The following LIMA1 variants were observed in gnomAD, a reference collection of about 807,000 sequenced individuals.
The protein encoded by LIMA1 is LIM domain and actin-binding protein 1.
LIMA1 carries 52 observed loss-of-function variants against 62.6 expected under a neutral mutation model. The ratio of observed to expected loss-of-function variants is 0.83; its 90% CI spans 0.67 to 1.05. The LOEUF (loss-of-function observed/expected upper bound fraction) is 1.05, where lower values mean the gene tolerates loss of function less well. LIMA1 is among the 50% of genes least tolerant of loss of function. The pLI, the probability that LIMA1 is intolerant of heterozygous loss-of-function variation, is 0.00. For missense variants in LIMA1, 780 were observed against 902.2 expected (o/e 0.86, Z 1.74); for synonymous variants, 302 against 317.8 (o/e 0.95, Z 0.53).
intron 7 of LIMA1, 135 bp from the exon 8 acceptor site, chr12:50,196,022 G>T: frequency 1.2e-6 from 1 of 811,108 alleles, no homozygotes; most frequent in Non-Finnish European, 1.8e-6. Flanking sequence ...GAAATAACGG[G>T]CACCAGAACA....
In LIMA1 at chr12:50,283,486, GC is replaced by G. The variant is rs1266099285; in HGVS notation, c.-91del. The G allele has an allele frequency of 6.6e-6, 1 of 152,284 alleles. No homozygotes were observed. The highest frequency in any genetic ancestry group is 2.4e-5 in the African/African-American group (1 of 41,462). The allele number at this position is 152,284 out of a possible 1,614,324, so 9.4% of individuals were successfully genotyped here. On this transcript the variant is annotated 5_prime_UTR_variant, in exon 1 of 11. Transcript: ENST00000341247. The stretch of plus-strand genomic sequence containing the variant: ...GTCACAGGTCCCGGCGCTCTACCTA[GC>G]GCACCTGTCGCGACCAAGCTGCTAA...
chr12:50,185,611 G>C (rs1940612909), intron 9 of LIMA1: 1 of 397,374 alleles, frequency 2.5e-6, no homozygotes, highest in African/African-American at 2.1e-5. Flanking sequence ...GGCAAAATCA[G>C]CCTCACTCGT....
At chr12:50,224,575 A>G (rs937988406) in intron 3 of LIMA1, 3 of 152,184 alleles carry the variant, frequency 2.0e-5, no homozygotes, top group Non-Finnish European at 4.4e-5. Flanking sequence ...GTAACCACAC[A>G]GGAGCCCTGA....
intron 4 of LIMA1, among the ~76,000 whole-genome samples, chr12:50,216,607 C>T (rs1188679509): frequency 1.3e-5 from 2 of 151,844 alleles, no homozygotes; most frequent in East Asian, 3.9e-4. Context: ...AGGCTGGGCG[C>T]GGTAGCACTT....
chr12:50,230,702 G>A lies in LIMA1; in HGVS notation c.165+963C>T, dbSNP rs1367164321. On this transcript the variant is annotated intron_variant, in intron 3 of 10. Transcript: ENST00000341247. ...CGCCATTCTCCTGCCTCAGCCTCCC[G>A]AGTAGCTGGGACTACAGGCGCCCGC... Among the ~76,000 whole-genome samples the A allele has an allele frequency of 5.9e-5, 9 of 151,808 alleles. 1 individual carries two copies. The East Asian group carries it at 1.2e-3, about 20-fold the overall frequency.
intron 9 of LIMA1, chr12:50,188,132 TA>T: frequency 6.6e-6 from 1 of 152,220 alleles, no homozygotes; most frequent in East Asian, 1.9e-4. Context: ...TTTATTAAGC[TA>T]AAATTTGAAA....
At chr12:50,279,399 T>C (rs1210280617) in intron 1 of LIMA1, among the ~76,000 whole-genome samples, 1 of 151,158 alleles carries the variant, frequency 6.6e-6, no homozygotes, top group Non-Finnish European at 1.5e-5. Context: ...TGTTGGCATA[T>C]ATGAAAATAA....
chr12:50,180,390 G>A (rs1212106145), intron 10 of LIMA1, among the ~76,000 whole-genome samples: 18 of 151,998 alleles, frequency 1.2e-4, no homozygotes, highest in African/African-American at 4.3e-4. Context: ...CATGAGAATC[G>A]CTTGAACCTG....
chr12:50,206,343 AG>A (rs1346948677), intron 4 of LIMA1, among the ~76,000 whole-genome samples: 2 of 152,200 alleles, frequency 1.3e-5, no homozygotes, highest in African/African-American at 4.8e-5. Flanking sequence ...CTCACATACC[AG>A]ATGACAATGA....
At chr12:50,204,836 C>T (rs1018250212) in intron 5 of LIMA1, 136 bp from the exon 6 acceptor site, 1 of 751,420 alleles carries the variant, frequency 1.3e-6, no homozygotes, top group African/African-American at 1.8e-5. Context: ...CCTCCCGCCT[C>T]AGCCTCCCAA....
At chr12:50,244,844 G>A (rs768523013) in intron 2 of LIMA1, among the ~76,000 whole-genome samples, 10 of 152,164 alleles carry the variant, frequency 6.6e-5, no homozygotes, top group African/African-American at 2.4e-4. Context: ...AAAGGCACTG[G>A]GGAAGAGGTG....
At chr12:50,236,088 C>T (rs1290335248) in intron 2 of LIMA1, among the ~76,000 whole-genome samples, 4 of 151,652 alleles carry the variant, frequency 2.6e-5, no homozygotes, top group Admixed American at 2.0e-4. Context: ...TCGCCTGAAC[C>T]CGGGAGGTGG....
chr12:50,237,759 A>G (rs1941716816), intron 2 of LIMA1, among the ~76,000 whole-genome samples: 1 of 152,240 alleles, frequency 6.6e-6, no homozygotes, highest in Non-Finnish European at 1.5e-5. Context: ...CCAATGGAAC[A>G]GAACACACAG....
intron 2 of LIMA1, among the ~76,000 whole-genome samples, chr12:50,238,299 G>C (rs543534978): frequency 1.3e-5 from 2 of 151,884 alleles, no homozygotes; most frequent in African/African-American, 4.8e-5. Flanking sequence ...GTGAGGTCAG[G>C]AGTTCAAGAC....
chr12:50,184,990 C>T (rs1408617732), intron 9 of LIMA1, among the ~76,000 whole-genome samples: 2 of 152,084 alleles, frequency 1.3e-5, no homozygotes, highest in Non-Finnish European at 2.9e-5. Context: ...CACCACCACA[C>T]TCGGCTAATT....
intron 8 of LIMA1, among the ~76,000 whole-genome samples, chr12:50,195,115 A>G (rs1940900408): frequency 6.6e-6 from 1 of 152,062 alleles, no homozygotes; most frequent in Non-Finnish European, 1.5e-5. Context: ...AGGTGGGAGG[A>G]CTGCTTGAGC....
At chr12:50,234,027 C>T in intron 2 of LIMA1, 1 of 428,294 alleles carries the variant, frequency 2.3e-6, no homozygotes, top group South Asian at 1.8e-5. Flanking sequence ...TCTTAGATTT[C>T]ATAAATAATT....
intron 1 of LIMA1, among the ~76,000 whole-genome samples, chr12:50,273,136 G>A (rs1051005871): frequency 6.6e-6 from 1 of 151,394 alleles, no homozygotes; most frequent in Non-Finnish European, 1.5e-5. Flanking sequence ...TGTAATTTTA[G>A]TAGAGACGGA....
chr12:50,193,631 C>CGT (rs67491136), intron 8 of LIMA1, among the ~76,000 whole-genome samples: 3,908 of 85,910 alleles, frequency 0.045, 131 homozygotes, highest in Middle Eastern at 0.1. Context: ...CATATATATA[C>CGT]GTGTGTGTGT....
Sources: allele counts gnomAD v4.1 joint callset (sites outside exome capture counted in the v4.1 genomes callset), GRCh38; gene constraint gnomAD v4.1.1; transcripts MANE v1.5; gene names NCBI Gene and HGNC (gene_info 2026-07-23, HGNC 2026-07-21).